Variants in BMPER observed in about 807,000 individuals in gnomAD.
BMPER encodes the protein BMP-binding endothelial regulator protein.
BMPER carries 45 observed loss-of-function variants against 87.3 expected under a neutral mutation model. The observed-to-expected ratio is 0.52, with a 90% CI of 0.41 to 0.66. The LOEUF (loss-of-function observed/expected upper bound fraction) is 0.66, where lower values mean the gene tolerates loss of function less well. Ranked by LOEUF, BMPER falls within the 30% of genes least tolerant of loss-of-function variation. BMPER has a pLI of 0.00. For synonymous variants in BMPER, 326 were observed against 316.2 expected (o/e 1.03, Z -0.33); for missense variants, 784 against 867.5 (o/e 0.90, Z 1.21).
At chr7:34,004,866 T>G (rs542900834) in intron 6 of BMPER, among the ~76,000 whole-genome samples, 2 of 152,230 alleles carry the variant, frequency 1.3e-5, no homozygotes, top group South Asian at 4.1e-4. Context: ...ATAAGAGTTT[T>G]GAGCCTTCTT....
At chr7:33,929,946 G>A (rs1784443005) in intron 2 of BMPER, among the ~76,000 whole-genome samples, 1 of 152,188 alleles carries the variant, frequency 6.6e-6, no homozygotes, top group Non-Finnish European at 1.5e-5. Context: ...CTTTGTTTGT[G>A]GCCCTGACTA....
At chr7:34,102,339 C>A (rs1789703584) in intron 13 of BMPER, among the ~76,000 whole-genome samples, 1 of 152,120 alleles carries the variant, frequency 6.6e-6, no homozygotes, top group Non-Finnish European at 1.5e-5. Flanking sequence ...AACCAATCAC[C>A]CTAGTTGGAG....
intron 6 of BMPER, among the ~76,000 whole-genome samples, chr7:33,996,246 C>G (rs1786409244): frequency 6.6e-6 from 1 of 152,052 alleles, no homozygotes; most frequent in Non-Finnish European, 1.5e-5. Context: ...AAAAGAAGTC[C>G]CAGCTGGTTG....
intron 6 of BMPER, among the ~76,000 whole-genome samples, chr7:33,979,350 T>G (rs531621280): frequency 6.6e-6 from 1 of 151,440 alleles, no homozygotes; most frequent in East Asian, 2.0e-4. Flanking sequence ...ACCACCCCCC[T>G]GCAACTCCCT....
intron 11 of BMPER, among the ~76,000 whole-genome samples, chr7:34,068,827 A>G (rs1788662093): frequency 1.3e-5 from 2 of 152,172 alleles, no homozygotes; most frequent in Non-Finnish European, 2.9e-5. Context: ...GGACCTTAAT[A>G]TGAGGTTAGA....
At chr7:34,087,825 G>A (rs1387645854) in intron 13 of BMPER, among the ~76,000 whole-genome samples, 1 of 152,224 alleles carries the variant, frequency 6.6e-6, no homozygotes, top group African/African-American at 2.4e-5. Context: ...TCAAAGGGAT[G>A]TATTGAAAAC....
chr7:33,959,038 C>T lies in BMPER; in HGVS notation c.320-7441C>T, dbSNP rs535938363. Among the ~76,000 whole-genome samples the T allele has an allele frequency of 8.5e-4, 129 of 152,222 alleles. 1 individual carries two copies. Among genetic ancestry groups the T allele is most frequent in the Non-Finnish European group, 1.1e-3 (77 of 68,008 alleles). ...TCTCTCCTGCCGCCATGTGAGAAGT[C>T]CTTTTGCTCTTCCTTCATCTTCCAC... is the stretch of plus-strand genomic sequence containing the variant. On this transcript the variant is annotated intron_variant, in intron 3 of 14. Transcript: ENST00000649409.
chr7:34,034,627 T>A (rs1261268521), intron 6 of BMPER, among the ~76,000 whole-genome samples: 2 of 152,224 alleles, frequency 1.3e-5, no homozygotes, highest in Admixed American at 6.5e-5. Context: ...TTCCTTTTTC[T>A]GTGTTCTACT....
At chr7:33,921,913 C>T (rs1270785141) in intron 2 of BMPER, 5 of 462,730 alleles carry the variant, frequency 1.1e-5, no homozygotes, top group South Asian at 4.7e-5. Context: ...TCCAGCTCCC[C>T]ACTTCACCCC....
chr7:34,028,599 C>CTTTTTTT (rs1787425304), intron 6 of BMPER, among the ~76,000 whole-genome samples: 18 of 11,686 alleles, frequency 1.5e-3, no homozygotes, highest in South Asian at 6.4e-3. Flanking sequence ...ATCATTTTTT[C>CTTTTTTT]TGTTTTTTTT....
chr7:33,974,626 C>A, intron 5 of BMPER, 76 bp from the exon 6 acceptor site: 1 of 1,421,440 alleles, frequency 7.0e-7, no homozygotes, highest in Non-Finnish European at 1.0e-6. Flanking sequence ...AACGGATGAA[C>A]TGTGGATAGA....
chr7:34,125,970 G>T (rs952776010), intron 13 of BMPER, among the ~76,000 whole-genome samples: 1 of 152,270 alleles, frequency 6.6e-6, no homozygotes, highest in Admixed American at 6.5e-5. Context: ...TAACTGTGCT[G>T]GATGCTGAAG....
At chr7:34,071,670 A>G (rs1788740356) in intron 11 of BMPER, among the ~76,000 whole-genome samples, 2 of 152,184 alleles carry the variant, frequency 1.3e-5, no homozygotes, top group South Asian at 4.1e-4. Context: ...CATCTTCTGT[A>G]TGAACTGCAT....
chr7:33,974,835 T>A (rs1394996026), intron 6 of BMPER, 51 bp downstream of exon 6: 8 of 1,566,124 alleles, frequency 5.1e-6, no homozygotes, highest in African/African-American at 1.4e-5. Flanking sequence ...AAAGCACTTC[T>A]TGTACTCACC....
At chr7:34,002,970 G>A (rs1331207461) in intron 6 of BMPER, among the ~76,000 whole-genome samples, 1 of 151,542 alleles carries the variant, frequency 6.6e-6, no homozygotes. Context: ...AATTCTGCCA[G>A]TCTCTGCTTT....
chr7:34,039,839 C>T (rs998642575), intron 6 of BMPER, among the ~76,000 whole-genome samples: 19 of 152,042 alleles, frequency 1.2e-4, no homozygotes, highest in African/African-American at 4.6e-4. Context: ...GGGCTGAAAG[C>T]TGAGTTCCCA....
At chr7:34,097,411 A>G (rs2127981486) in intron 13 of BMPER, among the ~76,000 whole-genome samples, 2 of 152,342 alleles carry the variant, frequency 1.3e-5, no homozygotes, top group South Asian at 4.1e-4. Flanking sequence ...TGGAGGGGGC[A>G]CGCTGCAGTG....
intron 2 of BMPER, among the ~76,000 whole-genome samples, chr7:33,913,684 A>G (rs780912561): frequency 6.6e-6 from 1 of 152,226 alleles, no homozygotes; most frequent in Non-Finnish European, 1.5e-5. Flanking sequence ...ACCATGCCCA[A>G]AAAGACACAG....
At chr7:33,942,148 T>TCCTGTTTGTTTGTTCTTCCTTTTA (rs1206627036) in intron 3 of BMPER, among the ~76,000 whole-genome samples, 2 of 151,386 alleles carry the variant, frequency 1.3e-5, no homozygotes, top group Non-Finnish European at 2.9e-5. Context: ...GAATATTGTT[T>TCCTGTTTGTTTGTTCTTCCTTTTA]CCTGTTTGTT....
Sources: allele counts gnomAD v4.1 joint callset (sites outside exome capture counted in the v4.1 genomes callset), GRCh38; gene constraint gnomAD v4.1.1; transcripts MANE v1.5; gene names NCBI Gene and HGNC (gene_info 2026-07-23, HGNC 2026-07-21).